SLC24A4: variants seen among roughly 807,000 people sequenced by gnomAD.
The protein encoded by SLC24A4 is sodium/potassium/calcium exchanger 4.
Under a neutral mutation model 79.0 loss-of-function variants are expected in SLC24A4, and 53 were observed. That is an observed-to-expected ratio of 0.67 (90% CI 0.54 to 0.84). SLC24A4 has a LOEUF of 0.84. Ranked by LOEUF, SLC24A4 falls within the 40% of genes least tolerant of loss-of-function variation. The pLI, the probability that SLC24A4 is intolerant of heterozygous loss-of-function variation, is 0.00. For synonymous variants in SLC24A4, 323 were observed against 323.8 expected (o/e 1.00, Z 0.03); for missense variants, 731 against 822.0 (o/e 0.89, Z 1.35).
In SLC24A4 at chr14:92,495,047, G is replaced by A. The variant is rs1895876578; in HGVS notation, c.*1419G>A. Reference sequence around the variant, plus strand: ...CGATTTGATGCACTTTGAATATTGAGATATTTTGCACGGATGAATGTATGG... The same window carrying A: ...CGATTTGATGCACTTTGAATATTGAAATATTTTGCACGGATGAATGTATGG... On this transcript the variant is annotated 3_prime_UTR_variant, in exon 17 of 17. Transcript: ENST00000532405. 1 of 152,526 alleles carries A rather than the reference G, an allele frequency of 6.6e-6. No individual in the cohort carries two copies. Among genetic ancestry groups the A allele is most frequent in the Non-Finnish European group, 1.5e-5 (1 of 68,020 alleles). 9.4% of individuals were successfully genotyped at this position (152,526 alleles called of 1,614,324 possible). A position where few individuals can be genotyped will look rare whatever the true frequency, so the allele number is the denominator to read the frequency against.
chr14:92,483,092 C>T (rs889309697), intron 13 of SLC24A4, among the ~76,000 whole-genome samples: 9 of 152,188 alleles, frequency 5.9e-5, no homozygotes, highest in African/African-American at 1.9e-4. Flanking sequence ...AACCTTTGCA[C>T]AGGCAGCCTA....
At chr14:92,426,733 A>AG (rs34625947) in intron 2 of SLC24A4, among the ~76,000 whole-genome samples, 13,632 of 152,098 alleles carry the variant, frequency 0.09, 620 homozygotes, top group Admixed American at 0.11. Context: ...TTCTTAGCAA[A>AG]GTTATTTTAA....
intron 4 of SLC24A4, 57 bp from the exon 5 acceptor site, chr14:92,442,032 G>T (rs1049448860): frequency 7.2e-7 from 1 of 1,395,840 alleles, no homozygotes; most frequent in Admixed American, 1.7e-5. Context: ...AGAGCGTCCA[G>T]TGATGTCCAG....
chr14:92,351,216 T>C (rs963236410), intron 2 of SLC24A4, among the ~76,000 whole-genome samples: 4 of 136,996 alleles, frequency 2.9e-5, no homozygotes, highest in Non-Finnish European at 6.7e-5. Flanking sequence ...TCTCTCTCTC[T>C]TTCACACACA....
At chr14:92,383,723 G>A (rs1034696846) in intron 2 of SLC24A4, among the ~76,000 whole-genome samples, 1 of 152,156 alleles carries the variant, frequency 6.6e-6, no homozygotes, top group Non-Finnish European at 1.5e-5. Context: ...GGGCTTGACC[G>A]TGAGCGTATG....
intron 2 of SLC24A4, among the ~76,000 whole-genome samples, chr14:92,343,652 CTT>C (rs1491188029): frequency 1.6e-4 from 22 of 137,596 alleles, no homozygotes; most frequent in African/African-American, 6.3e-4. Context: ...CTCTTTCCTT[CTT>C]TCCTTCCTTC....
At position 92,443,601 on chromosome 14, in the gene SLC24A4, C is replaced by G. The variant is rs553857428; in HGVS notation, c.657+127C>G. 3.2e-5 allele frequency: 30 copies of G among 940,048 alleles called. No homozygotes were observed. In the African/African-American group the frequency reaches 4.7e-4, roughly 15 times the overall value. The allele number at this position is 940,048 out of a possible 1,614,324, so 58.2% of individuals were successfully genotyped here. ...CACAGCACACAATAGTGGGGTGTGC[C>G]AGCCACTCACTGCGGTCACAGTGAC... On this transcript the variant is annotated intron_variant, in intron 7 of 16. Coordinates refer to ENST00000532405, the MANE Select transcript of SLC24A4 (RefSeq NM_153646.4).
chr14:92,326,529 G>A (rs1165454809), intron 2 of SLC24A4, among the ~76,000 whole-genome samples: 1 of 152,188 alleles, frequency 6.6e-6, no homozygotes, highest in Non-Finnish European at 1.5e-5. Flanking sequence ...TTCTTCTTCA[G>A]ATTTTTCTTG....
chr14:92,425,604 C>G (rs1250079674), intron 2 of SLC24A4, among the ~76,000 whole-genome samples: 2 of 152,196 alleles, frequency 1.3e-5, no homozygotes, highest in Non-Finnish European at 2.9e-5. Flanking sequence ...AATTCGGGCT[C>G]TGGCAATTCT....
At chr14:92,427,220 G>A (rs1891612141) in intron 2 of SLC24A4, among the ~76,000 whole-genome samples, 1 of 152,220 alleles carries the variant, frequency 6.6e-6, no homozygotes, top group South Asian at 2.1e-4. Context: ...GGTCACACTG[G>A]GGGCTCCTGA....
At chr14:92,336,584 A>G (rs1472687069) in intron 2 of SLC24A4, among the ~76,000 whole-genome samples, 1 of 152,198 alleles carries the variant, frequency 6.6e-6, no homozygotes, top group Non-Finnish European at 1.5e-5. Context: ...ATTAAATTCA[A>G]TGTATACTTC....
At chr14:92,417,326 T>G (rs1021667934) in intron 2 of SLC24A4, among the ~76,000 whole-genome samples, 1 of 152,086 alleles carries the variant, frequency 6.6e-6, no homozygotes, top group Non-Finnish European at 1.5e-5. Flanking sequence ...GATTTAAAAA[T>G]TTAAAAAGTT....
At position 92,433,950 on chromosome 14, in the gene SLC24A4, G is replaced by C. The variant is rs202031911; in HGVS notation, c.280G>C (p.Glu94Gln). Residue 94 changes from glutamate (E) to glutamine (Q), a missense_variant, in exon 3 of 17, where the codon GAG becomes CAG. Transcript: ENST00000532405. Reference protein sequence around the residue: ...EFPTDLFSNKERQHGAVLLHI... With the variant: ...EFPTDLFSNKQRQHGAVLLHI... ...CCCCACAGATCTGTTCTCCAATAAGGAGCGACAGCACGGAGCCGTCCTGCT... is the reference window on the plus strand; with the variant it reads ...CCCCACAGATCTGTTCTCCAATAAGCAGCGACAGCACGGAGCCGTCCTGCT... 6.2e-7 allele frequency: 1 copy of C among 1,614,154 alleles called. No homozygotes were observed.
At chr14:92,354,227 C>T (rs370252829) in intron 2 of SLC24A4, among the ~76,000 whole-genome samples, 2 of 150,858 alleles carry the variant, frequency 1.3e-5, no homozygotes, top group South Asian at 2.1e-4. Flanking sequence ...AGTGCAGTGG[C>T]GCGATCTCCG....
chr14:92,325,753 G>T, intron 1 of SLC24A4, 115 bp from the exon 2 acceptor site: 1 of 635,176 alleles, frequency 1.6e-6, no homozygotes, highest in Non-Finnish European at 2.8e-6. Context: ...CCTAAAGATG[G>T]CTCTGAATAG....
intron 2 of SLC24A4, among the ~76,000 whole-genome samples, chr14:92,415,178 T>C (rs958851625): frequency 3.3e-5 from 5 of 152,202 alleles, no homozygotes; most frequent in African/African-American, 1.2e-4. Flanking sequence ...TTCTTTTCCA[T>C]TGATCTTCTC....
chr14:92,466,299 C>G (rs920996398), intron 12 of SLC24A4, among the ~76,000 whole-genome samples: 1 of 152,216 alleles, frequency 6.6e-6, no homozygotes, highest in African/African-American at 2.4e-5. Context: ...AAGCACTGTT[C>G]TAAACACGTC....
At chr14:92,325,473 G>T (rs911797121) in intron 1 of SLC24A4, among the ~76,000 whole-genome samples, 2 of 152,222 alleles carry the variant, frequency 1.3e-5, no homozygotes, top group Non-Finnish European at 2.9e-5. Context: ...GACCGCATCA[G>T]CCTTGCCCAC....
At position 92,353,457 on chromosome 14, in the gene SLC24A4, A is replaced by C. The variant is rs1886999279; in HGVS notation, c.241+27479A>C. Reference sequence around the variant, plus strand: ...GGGTCAGAGGGTGGGTGAATTTGTCATTTTGACAGATGGTGCCAGAGGGTC... The same window carrying C: ...GGGTCAGAGGGTGGGTGAATTTGTCCTTTTGACAGATGGTGCCAGAGGGTC... On this transcript the variant is annotated intron_variant, in intron 2 of 16. Coordinates refer to ENST00000532405, the MANE Select transcript of SLC24A4 (RefSeq NM_153646.4). The surrounding 1 kb of genome is among the most constrained non-coding windows in gnomAD (Gnocchi z 4.1). Among the ~76,000 whole-genome samples the C allele has an allele frequency of 6.6e-6, 1 of 152,162 alleles. No individual in the cohort carries two copies. Among genetic ancestry groups the C allele is most frequent in the African/African-American group, 2.4e-5 (1 of 41,438 alleles).
Sources: gnomAD v4.1 joint callset for allele counts (sites outside exome capture counted in the v4.1 genomes callset) on GRCh38, gnomAD v4.1.1 for gene constraint, Gnocchi (gnomAD v3.1) non-coding constraint, MANE v1.5 for transcripts, NCBI Gene and HGNC (gene_info 2026-07-23, HGNC 2026-07-21) for gene names.